NSG2: variants seen among roughly 807,000 people sequenced by gnomAD.
NSG2 encodes the protein neuronal vesicle trafficking-associated protein 2.
In NSG2, 4 loss-of-function variants were observed where a neutral mutation model predicts 16.9. That is an observed-to-expected ratio of 0.24 (90% confidence interval 0.12 to 0.54). The LOEUF (loss-of-function observed/expected upper bound fraction) is 0.54. Among genes scored for constraint, NSG2 ranks in the 20% least tolerant of loss-of-function variants. The pLI is 0.95. For missense variants in NSG2, 179 were observed against 221.1 expected (o/e 0.81, Z 1.21); for synonymous variants, 98 against 88.7 (o/e 1.11, Z -0.59).
rs551609514 is a variant in NSG2, at chr5:174,098,665, G to A, written c.214-5563G>A. On this transcript the variant is annotated intron_variant, in intron 3 of 4. Transcript: ENST00000303177. ...TGCTTGGTTTGTGGTTATTTCTTTGGTGAATTGCTCATTGAATGTCTCACT... is the reference window on the plus strand; with the variant it reads ...TGCTTGGTTTGTGGTTATTTCTTTGATGAATTGCTCATTGAATGTCTCACT... Among the ~76,000 whole-genome samples, 4 of 152,238 alleles carry A rather than the reference G, an allele frequency of 2.6e-5. No individual in the cohort carries two copies. The South Asian group carries it at 8.3e-4, about 32-fold the overall frequency.
chr5:174,046,903 C>T lies in NSG2; in HGVS notation c.129+19C>T, dbSNP rs769052769. On this transcript the variant is annotated intron_variant, in intron 2 of 4. Coordinates refer to ENST00000303177, the MANE Select transcript of NSG2 (RefSeq NM_015980.5). ...AGAAAAGGTAAAGCATGTCCTCTTG[C>T]TCTCATCAGCCCCCAGGCTCCCCCC... The T allele has an allele frequency of 6.2e-7, 1 of 1,613,466 alleles. No individual in the cohort carries two copies. The highest frequency in any genetic ancestry group is 2.2e-5 in the East Asian group (1 of 44,862).
At chr5:174,080,525 T>TTCTTTCTCTCTCTCTCTCTCTCTTTCTC (rs1554101503) in intron 3 of NSG2, among the ~76,000 whole-genome samples, 2 of 125,248 alleles carry the variant, frequency 1.6e-5, no homozygotes, top group African/African-American at 3.2e-5. Context: ...CTTTCTTTCT[T>TTCTTTCTCTCTCTCTCTCTCTCTTTCTC]TCTCTCTCTC....
At chr5:174,106,460 C>A (rs368660167) in intron 4 of NSG2, among the ~76,000 whole-genome samples, 1 of 151,726 alleles carries the variant, frequency 6.6e-6, no homozygotes, top group Non-Finnish European at 1.5e-5. Context: ...CCTCCAAGTT[C>A]GTCCGGTAGT....
intron 3 of NSG2, among the ~76,000 whole-genome samples, chr5:174,098,453 C>T (rs753349393): frequency 3.3e-5 from 5 of 152,270 alleles, no homozygotes; most frequent in Admixed American, 6.5e-5. Context: ...TTGTCCCCTT[C>T]GTCACAGCCA....
intron 3 of NSG2, among the ~76,000 whole-genome samples, chr5:174,090,303 A>G (rs1430924980): frequency 1.3e-5 from 2 of 152,232 alleles, no homozygotes; most frequent in Non-Finnish European, 2.9e-5. Flanking sequence ...ATCGTCTCCC[A>G]GTGGAGTCAT....
intron 3 of NSG2, among the ~76,000 whole-genome samples, chr5:174,100,935 A>G (rs562591201): frequency 1.1e-4 from 16 of 152,232 alleles, no homozygotes; most frequent in Admixed American, 9.8e-4. Flanking sequence ...GAGGCCTGGG[A>G]CTCTGCCTAG....
At chr5:174,070,955 C>T (rs889415927) in intron 3 of NSG2, among the ~76,000 whole-genome samples, 1 of 152,196 alleles carries the variant, frequency 6.6e-6, no homozygotes, top group Non-Finnish European at 1.5e-5. Flanking sequence ...TCAGGAGCAT[C>T]CCTGACCCCA....
intron 2 of NSG2, 66 bp from the exon 3 acceptor site, chr5:174,064,166 T>C (rs1296158994): frequency 1.7e-6 from 2 of 1,158,418 alleles, no homozygotes; most frequent in South Asian, 1.9e-5. Flanking sequence ...TTCTGGTTAC[T>C]GAAAAAAAAG....
rs1355145730 is a variant in NSG2, at chr5:174,107,762, T to C, written c.*257T>C. On this transcript the variant is annotated 3_prime_UTR_variant, in exon 5 of 5. Transcript: ENST00000303177. The surrounding 1 kb of genome is among the most constrained non-coding windows in gnomAD (Gnocchi z 4.5). ...ACAAAGGCATGTTTCGTGTTGATTG[T>C]TCCCATGTAAGATATTTTTAAAGCC... 1 of 660,670 alleles carries C rather than the reference T, an allele frequency of 1.5e-6. No individual in the cohort carries two copies. Among genetic ancestry groups the C allele is most frequent in the Non-Finnish European group, 2.8e-6 (1 of 358,078 alleles). The allele number at this position is 660,670 out of a possible 1,614,324, so 40.9% of individuals were successfully genotyped here.
At chr5:174,059,211 A>G (rs1760011687) in intron 2 of NSG2, among the ~76,000 whole-genome samples, 1 of 152,246 alleles carries the variant, frequency 6.6e-6, no homozygotes, top group Non-Finnish European at 1.5e-5. Flanking sequence ...CACGCAGTAT[A>G]TAAAAACCTC....
intron 2 of NSG2, among the ~76,000 whole-genome samples, chr5:174,050,070 C>T (rs147592340): frequency 1.3e-3 from 194 of 152,164 alleles, no homozygotes; most frequent in African/African-American, 4.5e-3. Context: ...AGAATGGGGA[C>T]GCTAATTTTG....
Position 174,107,769 on chromosome 5 carries a change from G to A in NSG2, c.*264G>A. The A allele has an allele frequency of 1.5e-6, 1 of 651,020 alleles. No individual in the cohort carries two copies. Among genetic ancestry groups the A allele is most frequent in the South Asian group, 1.5e-5 (1 of 66,060 alleles). 40.3% of individuals were successfully genotyped at this position (651,020 alleles called of 1,614,324 possible). On this transcript the variant is annotated 3_prime_UTR_variant, in exon 5 of 5. Coordinates refer to ENST00000303177, the MANE Select transcript of NSG2 (RefSeq NM_015980.5). The surrounding 1 kb of genome is among the most constrained non-coding windows in gnomAD (Gnocchi z 4.5). ...CATGTTTCGTGTTGATTGTTCCCAT[G>A]TAAGATATTTTTAAAGCCACTGCTT...
chr5:174,090,921 A>C (rs1278967757), intron 3 of NSG2, among the ~76,000 whole-genome samples: 2 of 152,174 alleles, frequency 1.3e-5, no homozygotes, highest in Non-Finnish European at 2.9e-5. Context: ...CTGGCAGGGG[A>C]ACCCCCACTG....
In NSG2 at chr5:174,072,639, C is replaced by A. The variant is rs569303399; in HGVS notation, c.213+8324C>A. 1.3e-5 allele frequency among the ~76,000 whole-genome samples: 2 copies of A among 152,332 alleles called. No homozygotes were observed. Among genetic ancestry groups the A allele is most frequent in the African/African-American group, 4.8e-5 (2 of 41,580 alleles). ...GAGCTCTTGTACCCTTCTCTGTACCCTAAGAAGCTAGCCAGCACCTGGCCG... is the reference window on the plus strand; with the variant it reads ...GAGCTCTTGTACCCTTCTCTGTACCATAAGAAGCTAGCCAGCACCTGGCCG... On this transcript the variant is annotated intron_variant, in intron 3 of 4. Transcript: ENST00000303177. The surrounding 1 kb of genome is among the most constrained non-coding windows in gnomAD (Gnocchi z 4.0).
chr5:174,099,151 G>A (rs1275442412), intron 3 of NSG2, among the ~76,000 whole-genome samples: 1 of 152,148 alleles, frequency 6.6e-6, no homozygotes, highest in Non-Finnish European at 1.5e-5. Context: ...AGGGAGGCCG[G>A]GGAGGCTGGG....
At chr5:174,064,615 C>T (rs528673607) in intron 3 of NSG2, 1 of 237,686 alleles carries the variant, frequency 4.2e-6, no homozygotes, top group African/African-American at 2.2e-5. Context: ...TTTTTCATCA[C>T]AATCTCCAGG....
chr5:174,048,421 A>G (rs887647955), intron 2 of NSG2, among the ~76,000 whole-genome samples: 6 of 152,158 alleles, frequency 3.9e-5, no homozygotes, highest in African/African-American at 1.4e-4. Context: ...TTAACCTGGG[A>G]GTCAGGGATT....
chr5:174,059,744 G>T (rs1334862512), intron 2 of NSG2, among the ~76,000 whole-genome samples: 5 of 152,168 alleles, frequency 3.3e-5, no homozygotes, highest in Non-Finnish European at 4.4e-5. Flanking sequence ...TCTTGGCTCT[G>T]CCCTTCTTTG....
chr5:174,107,429 C>G lies in NSG2; in HGVS notation c.440C>G (p.Ala147Gly), dbSNP rs765846192. The G allele has an allele frequency of 4.3e-6, 7 of 1,612,976 alleles. No homozygotes were observed. Among genetic ancestry groups the G allele is most frequent in the Non-Finnish European group, 5.1e-6 (6 of 1,179,184 alleles). ...SHYSVAKQST[A>G]RAIGPWLSAA... ...TACAGCGTGGCCAAGCAGAGCACTG[C>G]CCGGGCCATCGGGCCGTGGCTGTCA... is the stretch of plus-strand genomic sequence containing the variant. The change falls in exon 5 of 5, where the codon GCC (alanine) becomes GGC (glycine). Residue 147 changes from alanine (A) to glycine (G), a missense_variant. Transcript: ENST00000303177. This position sits in a 1 kb window ranked among gnomAD's most constrained non-coding sequence, Gnocchi z 4.5.
Sources: gnomAD v4.1 joint callset for allele counts (sites outside exome capture counted in the v4.1 genomes callset) on GRCh38, gnomAD v4.1.1 for gene constraint, Gnocchi (gnomAD v3.1) non-coding constraint, MANE v1.5 for transcripts, NCBI Gene and HGNC (gene_info 2026-07-23, HGNC 2026-07-21) for gene names.